ZNF385C: variants seen among roughly 807,000 people sequenced by gnomAD.
ZNF385C encodes CTD-2132N18.2.
A neutral mutation model predicts 35.4 loss-of-function variants in ZNF385C; 28 were observed. The ratio of observed to expected loss-of-function variants is 0.79; its 90% CI spans 0.59 to 1.08. ZNF385C has a LOEUF of 1.08. ZNF385C is among the 50% of genes least tolerant of loss of function. The pLI, the probability that ZNF385C is intolerant of heterozygous loss-of-function variation, is 0.00. For missense variants in ZNF385C, 605 were observed against 595.6 expected, an observed-to-expected ratio of 1.02 and a Z score of -0.16; for synonymous variants, 248 against 248.2, an observed-to-expected ratio of 1.00 and a Z score of 0.01.
Position 42,026,139 on chromosome 17 carries a change from G to C in ZNF385C, c.*758C>G, listed in dbSNP as rs1243518362. On this transcript the variant is annotated 3_prime_UTR_variant, in exon 9 of 9. Transcript: ENST00000692273. ...TGAACCAGGGAGGCAGAGGCTGCAT[G>C]CAGTGAGCCAAGATTGCACCACTGC... 1.3e-5 allele frequency: 2 copies of C among 152,308 alleles called. No homozygotes were observed. Among genetic ancestry groups the C allele is most frequent in the African/African-American group, 4.8e-5 (2 of 41,530 alleles). 9.4% of individuals were successfully genotyped at this position (152,308 alleles called of 1,614,324 possible).
chr17:42,039,829 C>T (rs2052964031), intron 2 of ZNF385C: 2 of 1,231,880 alleles, frequency 1.6e-6, no homozygotes, highest in Non-Finnish European at 2.0e-6. Flanking sequence ...GTGGCCCCCC[C>T]GGCCTTCCCC....
At chr17:42,044,975 T>C (rs7215073) in intron 2 of ZNF385C, among the ~76,000 whole-genome samples, 116,424 of 149,446 alleles carry the variant, frequency 0.78, 46,077 homozygotes, top group South Asian at 0.86. Context: ...TGGAGTGCAG[T>C]GGCGCAATCT....
chr17:42,035,677 G>A (rs937912337), intron 3 of ZNF385C, among the ~76,000 whole-genome samples: 9 of 149,578 alleles, frequency 6.0e-5, no homozygotes, highest in East Asian at 2.0e-4. Flanking sequence ...TCAGCCTCCC[G>A]AGTAGCTGGG....
chr17:42,087,651 G>A (rs1025910559), intron 1 of ZNF385C, among the ~76,000 whole-genome samples: 1 of 152,164 alleles, frequency 6.6e-6, no homozygotes, highest in African/African-American at 2.4e-5. Flanking sequence ...CTAGCCAGGC[G>A]CAGTGTCTCA....
At chr17:42,070,874 C>G (rs2053614698) in intron 1 of ZNF385C, among the ~76,000 whole-genome samples, 1 of 152,236 alleles carries the variant, frequency 6.6e-6, no homozygotes, top group Non-Finnish European at 1.5e-5. Flanking sequence ...GAGGGGCCGT[C>G]AATGAGCATT....
At chr17:42,082,077 C>G (rs959073370) in intron 1 of ZNF385C, among the ~76,000 whole-genome samples, 1 of 152,206 alleles carries the variant, frequency 6.6e-6, no homozygotes, top group Non-Finnish European at 1.5e-5. Flanking sequence ...CCAGGCAAGT[C>G]CTGCTGCTGC....
chr17:42,035,174 AAAG>A (rs1301537631), intron 3 of ZNF385C, among the ~76,000 whole-genome samples: 1 of 151,536 alleles, frequency 6.6e-6, no homozygotes, highest in Non-Finnish European at 1.5e-5. Flanking sequence ...AAAGAAAAGA[AAAG>A]AAAAATACAC....
chr17:42,094,408 G>A (rs1014287614), intron 1 of ZNF385C, among the ~76,000 whole-genome samples: 1 of 152,216 alleles, frequency 6.6e-6, no homozygotes, highest in South Asian at 2.1e-4. Flanking sequence ...GATACAGAAA[G>A]ACCCACCCAG....
At chr17:42,042,327 G>T (rs1193641323) in intron 2 of ZNF385C, among the ~76,000 whole-genome samples, 3 of 152,122 alleles carry the variant, frequency 2.0e-5, no homozygotes, top group Non-Finnish European at 4.4e-5. Flanking sequence ...TTCGAAACTG[G>T]CCTGGCCAAC....
chr17:42,028,322 G>A, intron 6 of ZNF385C, 76 bp from the exon 7 acceptor site: 1 of 1,425,354 alleles, frequency 7.0e-7, no homozygotes. Context: ...CCACACTCAT[G>A]CAATTTGGCT....
At chr17:42,087,682 T>C (rs2053823324) in intron 1 of ZNF385C, among the ~76,000 whole-genome samples, 1 of 152,192 alleles carries the variant, frequency 6.6e-6, no homozygotes, top group Non-Finnish European at 1.5e-5. Flanking sequence ...TCTCAGCACT[T>C]TGGGAATCCG....
chr17:42,028,238 G>C lies in ZNF385C; in HGVS notation c.976C>G (p.His326Asp). The C allele has an allele frequency of 2.0e-6, 3 of 1,533,198 alleles. No individual in the cohort carries two copies. The highest frequency in any genetic ancestry group is 2.6e-6 in the Non-Finnish European group (3 of 1,143,516). The allele number at this position is 1,533,198 out of a possible 1,614,324, so 95.0% of individuals were successfully genotyped here. A position where few individuals can be genotyped will look rare whatever the true frequency, so the allele number is the denominator to read the frequency against. ...QLQAHNTGAKHRWMMEGQRGA... is the reference protein window; with the variant it reads ...QLQAHNTGAKDRWMMEGQRGA... Reference sequence around the variant, plus strand: ...CGCTGACCTTCCATCATCCACCGGTGCTTGGCTCCTGGAGAGGGAAGAAGG... The same window carrying C: ...CGCTGACCTTCCATCATCCACCGGTCCTTGGCTCCTGGAGAGGGAAGAAGG... Residue 326 changes from histidine to aspartate, a missense_variant, in exon 7 of 9, where the codon CAC becomes GAC. Physicochemically the swap from His to Asp is moderately conservative, Grantham distance 81. Coordinates refer to ENST00000692273, the MANE Select transcript of ZNF385C (RefSeq NM_001392013.1).
intron 1 of ZNF385C, among the ~76,000 whole-genome samples, chr17:42,089,862 G>A (rs1003590939): frequency 5.3e-5 from 8 of 152,066 alleles, no homozygotes; most frequent in African/African-American, 1.9e-4. Flanking sequence ...GTACTACAGG[G>A]GAAAAACAAA....
At chr17:42,034,361 T>C in intron 3 of ZNF385C, 26 bp from the exon 4 acceptor site, 1 of 1,534,844 alleles carries the variant, frequency 6.5e-7, no homozygotes, top group Non-Finnish European at 8.8e-7. Flanking sequence ...GAGGGCATAA[T>C]AACTCTGGGG....
chr17:42,027,558 T>G, intron 8 of ZNF385C, 60 bp downstream of exon 8: 6 of 204,810 alleles, frequency 2.9e-5, no homozygotes, highest in Non-Finnish European at 4.7e-5. Flanking sequence ...CATCTGGCCC[T>G]CCCAGCCCAC....
chr17:42,054,436 T>A (rs2143790180), intron 2 of ZNF385C, among the ~76,000 whole-genome samples: 1 of 152,266 alleles, frequency 6.6e-6, no homozygotes, highest in South Asian at 2.1e-4. Context: ...TGTTGCCACT[T>A]TATCAAAGAG....
chr17:42,082,691 A>T (rs2053761333), intron 1 of ZNF385C, among the ~76,000 whole-genome samples: 1 of 152,134 alleles, frequency 6.6e-6, no homozygotes, highest in African/African-American at 2.4e-5. Flanking sequence ...CCAGCACTTC[A>T]GGAGGCTGAG....
intron 2 of ZNF385C, chr17:42,040,336 C>A (rs2052986600): frequency 8.1e-7 from 1 of 1,231,832 alleles, no homozygotes; most frequent in Admixed American, 4.2e-5. Flanking sequence ...GCAGCGTCCG[C>A]TGCTGGCGTC....
intron 1 of ZNF385C, among the ~76,000 whole-genome samples, chr17:42,079,195 A>T (rs2053718221): frequency 7.9e-6 from 1 of 126,778 alleles, no homozygotes. Flanking sequence ...CGCAAAAAAA[A>T]AAAAAAAAAT....
Sources: gnomAD v4.1 joint callset for allele counts (sites outside exome capture counted in the v4.1 genomes callset) on GRCh38, gnomAD v4.1.1 for gene constraint, MANE v1.5 for transcripts, NCBI Gene and HGNC (gene_info 2026-07-23, HGNC 2026-07-21) for gene names.